The following EHBP1 variants were observed in gnomAD, a reference collection of about 807,000 sequenced individuals.
EHBP1 encodes EH domain-binding protein 1.
EHBP1 carries 55 observed loss-of-function variants against 144.0 expected under a neutral mutation model. The observed-to-expected ratio is 0.38, with a 90% confidence interval of 0.31 to 0.48. EHBP1 has a LOEUF of 0.48. Among genes scored for constraint, EHBP1 ranks in the 20% least tolerant of loss-of-function variants. The pLI, the probability that EHBP1 is intolerant of heterozygous loss-of-function variation, is 0.98. For missense variants in EHBP1, 1,200 were observed against 1,364.2 expected (o/e 0.88, Z 1.90); for synonymous variants, 469 against 472.7 (o/e 0.99, Z 0.10).
At chr2:62,850,398 A>G (rs906230048) in intron 7 of EHBP1, among the ~76,000 whole-genome samples, 2 of 151,864 alleles carry the variant, frequency 1.3e-5, no homozygotes, top group African/African-American at 4.8e-5. Flanking sequence ...TTTTTGTTCA[A>G]TGTGATAATC....
chr2:62,690,962 T>C (rs891974442), intron 1 of EHBP1, among the ~76,000 whole-genome samples: 26 of 152,224 alleles, frequency 1.7e-4, no homozygotes, highest in Non-Finnish European at 3.7e-4. Context: ...CAGTTCTAGA[T>C]GTTTGCTATT....
At chr2:62,830,209 T>TAC (rs1258976483) in intron 6 of EHBP1, among the ~76,000 whole-genome samples, 2 of 91,552 alleles carry the variant, frequency 2.2e-5, no homozygotes, top group East Asian at 5.2e-4. Flanking sequence ...TATATACACA[T>TAC]ATACACACAC....
chr2:62,770,420 A>T (rs2041572707), intron 4 of EHBP1, among the ~76,000 whole-genome samples: 1 of 152,262 alleles, frequency 6.6e-6, no homozygotes, highest in Non-Finnish European at 1.5e-5. Flanking sequence ...AAAGTTCAAC[A>T]TCAGTGATCA....
At chr2:62,930,440 A>T (rs2055891941) in intron 10 of EHBP1, among the ~76,000 whole-genome samples, 1 of 152,224 alleles carries the variant, frequency 6.6e-6, no homozygotes, top group African/African-American at 2.4e-5. Flanking sequence ...TATTGTTAAC[A>T]TATCAATACC....
Position 62,880,568 on chromosome 2 carries a change from A to G in EHBP1, c.1185+6036A>G, listed in dbSNP as rs1573872146. 2.0e-5 allele frequency among the ~76,000 whole-genome samples: 3 copies of G among 152,088 alleles called. 1 individual carries two copies. The South Asian group carries it at 6.2e-4, about 32-fold the overall frequency. ...TTAACAAGCAAAAAACAACCGACCA[A>G]CCCCATTAAACAATGAGCAAAGAAC... On this transcript the variant is annotated intron_variant, in intron 10 of 22. Coordinates refer to ENST00000431489, the MANE Select transcript of EHBP1 (RefSeq NM_001142616.3).
chr2:62,987,887 A>C (rs1185071826), intron 15 of EHBP1: 1 of 1,085,252 alleles, frequency 9.2e-7, no homozygotes, highest in Non-Finnish European at 1.3e-6. Context: ...GAATGATATA[A>C]AATATAAATA....
At chr2:62,960,228 T>TGTCCC in intron 14 of EHBP1, among the ~76,000 whole-genome samples, 1 of 152,290 alleles carries the variant, frequency 6.6e-6, no homozygotes, top group East Asian at 1.9e-4. Flanking sequence ...CCTCATGTCC[T>TGTCCC]TGCAAATCCT....
intron 5 of EHBP1, among the ~76,000 whole-genome samples, chr2:62,781,903 A>G (rs983911868): frequency 4.6e-5 from 7 of 152,242 alleles, no homozygotes; most frequent in African/African-American, 1.7e-4. Context: ...GATACTTGAT[A>G]TGTTTTGTTA....
chr2:62,937,887 C>T (rs1375207809), intron 10 of EHBP1, among the ~76,000 whole-genome samples: 1 of 152,062 alleles, frequency 6.6e-6, no homozygotes, highest in Non-Finnish European at 1.5e-5. Flanking sequence ...AGACTTTAAG[C>T]CGTGCTTTAA....
intron 10 of EHBP1, among the ~76,000 whole-genome samples, chr2:62,936,325 A>C (rs1252284266): frequency 6.6e-6 from 1 of 152,152 alleles, no homozygotes; most frequent in Non-Finnish European, 1.5e-5. Flanking sequence ...TGTCTGTTGC[A>C]GTAAGCTATA....
At chr2:62,992,439 T>G (rs2059451776) in intron 16 of EHBP1, among the ~76,000 whole-genome samples, 1 of 152,194 alleles carries the variant, frequency 6.6e-6, no homozygotes, top group African/African-American at 2.4e-5. Flanking sequence ...CAAAACACTC[T>G]TATATAGTAG....
At chr2:62,674,202 A>ATGTG (rs912463887) in intron 1 of EHBP1, 1 of 462,896 alleles carries the variant, frequency 2.2e-6, no homozygotes, top group Non-Finnish European at 4.5e-6. Context: ...ATGTGTGTGT[A>ATGTG]TGTGTGTGTG....
At chr2:62,842,231 C>T (rs948629949) in intron 7 of EHBP1, among the ~76,000 whole-genome samples, 15 of 152,002 alleles carry the variant, frequency 9.9e-5, no homozygotes, top group Non-Finnish European at 1.5e-4. Context: ...GGATCACAGG[C>T]GTGTGCCACC....
chr2:62,829,725 TTTATAA>T, intron 6 of EHBP1, among the ~76,000 whole-genome samples: 1 of 146,974 alleles, frequency 6.8e-6, no homozygotes, highest in Non-Finnish European at 1.5e-5. Context: ...ATACGTAATA[TTTATAA>T]TTATTTATAT....
chr2:62,854,673 A>C (rs2048909483), intron 7 of EHBP1, among the ~76,000 whole-genome samples: 1 of 152,214 alleles, frequency 6.6e-6, no homozygotes, highest in South Asian at 2.1e-4. Context: ...AGCCCAGAAC[A>C]ATTTAAGTAG....
intron 10 of EHBP1, among the ~76,000 whole-genome samples, chr2:62,896,124 A>G (rs911502833): frequency 2.6e-5 from 4 of 152,196 alleles, no homozygotes; most frequent in African/African-American, 4.8e-5. Context: ...AAATCATGGT[A>G]AATGCATCGG....
At chr2:63,026,947 T>G (rs867110240) in intron 19 of EHBP1, among the ~76,000 whole-genome samples, 1 of 152,160 alleles carries the variant, frequency 6.6e-6, no homozygotes, top group Non-Finnish European at 1.5e-5. Context: ...TTATCAGAGT[T>G]TTGAAGGTTT....
intron 10 of EHBP1, among the ~76,000 whole-genome samples, chr2:62,927,617 G>C (rs544491201): frequency 2.6e-5 from 4 of 152,198 alleles, no homozygotes; most frequent in African/African-American, 9.6e-5. Context: ...AATATCTGAA[G>C]CAAAAATGGC....
intron 10 of EHBP1, among the ~76,000 whole-genome samples, chr2:62,876,537 C>T (rs933235948): frequency 6.6e-6 from 1 of 152,148 alleles, no homozygotes; most frequent in Non-Finnish European, 1.5e-5. Flanking sequence ...CAGTTAAATA[C>T]ATAGACCATT....
Sources: gnomAD v4.1 joint callset for allele counts (sites outside exome capture counted in the v4.1 genomes callset) on GRCh38, gnomAD v4.1.1 for gene constraint, MANE v1.5 for transcripts, NCBI Gene and HGNC (gene_info 2026-07-23, HGNC 2026-07-21) for gene names.